CALN1: variants seen among roughly 807,000 people sequenced by gnomAD.
CALN1 encodes calcium-binding protein 8.
Under a neutral mutation model 30.6 loss-of-function variants are expected in CALN1, and 17 were observed. The ratio of observed to expected loss-of-function variants is 0.56; its 90% CI spans 0.38 to 0.83. The LOEUF (loss-of-function observed/expected upper bound fraction) is 0.83. Among genes scored for constraint, CALN1 ranks in the 40% least tolerant of loss-of-function variants. The pLI is 0.00. For synonymous variants in CALN1, 156 were observed against 131.4 expected (o/e 1.19, Z -1.28); for missense variants, 291 against 354.9 (o/e 0.82, Z 1.45).
intron 6 of CALN1, among the ~76,000 whole-genome samples, chr7:71,809,475 A>AAAAAAAG (rs1482274268): frequency 2.2e-4 from 33 of 151,092 alleles, no homozygotes; most frequent in African/African-American, 7.8e-4. Flanking sequence ...AAAAAAAAAA[A>AAAAAAAG]AAAGAAAAGA....
intron 5 of CALN1, among the ~76,000 whole-genome samples, chr7:71,910,887 CCAAA>C (rs1234570496): frequency 6.6e-6 from 1 of 152,078 alleles, no homozygotes; most frequent in Non-Finnish European, 1.5e-5. Flanking sequence ...GTTATTTGTG[CCAAA>C]CAGTTTCCCA....
chr7:72,039,325 G>A (rs767976120), intron 4 of CALN1, among the ~76,000 whole-genome samples: 1 of 152,148 alleles, frequency 6.6e-6, no homozygotes, highest in African/African-American at 2.4e-5. Flanking sequence ...GGATGAGCTA[G>A]ACTCCACAGG....
At chr7:72,387,719 G>C (rs1355367198) in intron 2 of CALN1, among the ~76,000 whole-genome samples, 1 of 152,152 alleles carries the variant, frequency 6.6e-6, no homozygotes, top group Non-Finnish European at 1.5e-5. Context: ...AATAAGAAAA[G>C]TCTGAGAAAC....
chr7:72,293,632 T>C (rs1305451578), intron 2 of CALN1, among the ~76,000 whole-genome samples: 2 of 152,172 alleles, frequency 1.3e-5, no homozygotes, highest in East Asian at 3.8e-4. Context: ...AGCAGGCAGA[T>C]GACCAGCAAA....
chr7:72,298,477 A>G (rs1230537818), intron 2 of CALN1, among the ~76,000 whole-genome samples: 1 of 152,206 alleles, frequency 6.6e-6, no homozygotes, highest in African/African-American at 2.4e-5. Context: ...TAACTAATGA[A>G]GGGCTCCTTT....
the CALN1 span, among the ~76,000 whole-genome samples, chr7:72,475,580 A>T: frequency 6.6e-6 from 1 of 152,180 alleles, no homozygotes; most frequent in East Asian, 1.9e-4. Flanking sequence ...TTGTTCCTCT[A>T]CCCTAGAGAG....
intron 4 of CALN1, among the ~76,000 whole-genome samples, chr7:72,057,033 T>C (rs566735356): frequency 6.6e-6 from 1 of 152,178 alleles, no homozygotes; most frequent in Non-Finnish European, 1.5e-5. Context: ...CTCCAATTTC[T>C]GGCCTCAAGT....
intron 5 of CALN1, among the ~76,000 whole-genome samples, chr7:71,909,112 G>A (rs930171965): frequency 1.3e-5 from 2 of 152,110 alleles, no homozygotes; most frequent in African/African-American, 4.8e-5. Context: ...AACCTCCTAG[G>A]CTCAAGCGAT....
rs188768781 is a variant in CALN1 at position 72,411,534 on chromosome 7, T to C, written c.-74+524A>G. Reference sequence around the variant, plus strand: ...TAAAAAAATATGGACGTATCAGTTGTGTCACTGAAAAGACGTCAAGGTAAT... The same window carrying C: ...TAAAAAAATATGGACGTATCAGTTGCGTCACTGAAAAGACGTCAAGGTAAT... On this transcript the variant is annotated intron_variant, in intron 1 of 6. Coordinates refer to ENST00000395275, the MANE Select transcript of CALN1 (RefSeq NM_031468.4). 1.2e-4 allele frequency among the ~76,000 whole-genome samples: 19 copies of C among 152,366 alleles called. No homozygotes were observed. The East Asian group carries it at 3.3e-3, about 26-fold the overall frequency.
chr7:72,181,554 T>C (rs867065383), intron 3 of CALN1, among the ~76,000 whole-genome samples: 7 of 151,496 alleles, frequency 4.6e-5, no homozygotes, highest in African/African-American at 7.3e-5. Context: ...TCTCGGCTCA[T>C]TGCAACCTTC....
intron 6 of CALN1, among the ~76,000 whole-genome samples, chr7:71,790,424 G>GAAGC (rs1554337178): frequency 5.4e-5 from 8 of 147,944 alleles, no homozygotes; most frequent in Non-Finnish European, 9.0e-5. Flanking sequence ...AAGAAAGAAA[G>GAAGC]AAGCAAGCAA....
intron 5 of CALN1, among the ~76,000 whole-genome samples, chr7:71,994,869 T>TC (rs1459188376): frequency 1.8e-4 from 26 of 145,050 alleles, no homozygotes; most frequent in African/African-American, 6.1e-4. Context: ...TTTTTTTTTT[T>TC]CGAGACGGAG....
intron 5 of CALN1, among the ~76,000 whole-genome samples, chr7:71,842,798 C>T (rs371810885): frequency 3.9e-5 from 6 of 152,268 alleles, no homozygotes; most frequent in South Asian, 4.2e-4. Flanking sequence ...CTTACAGGTC[C>T]GTTCCTGTAC....
At chr7:71,982,590 G>T (rs1025011806) in intron 5 of CALN1, among the ~76,000 whole-genome samples, 1 of 152,112 alleles carries the variant, frequency 6.6e-6, no homozygotes, top group Admixed American at 6.6e-5. Context: ...GTGAAACTCT[G>T]TCGCAAAACA....
intron 5 of CALN1, among the ~76,000 whole-genome samples, chr7:71,953,570 A>G (rs1008522496): frequency 1.3e-5 from 2 of 152,144 alleles, no homozygotes; most frequent in Admixed American, 6.6e-5. Context: ...TCCGCATTCT[A>G]AGGTGCTTTC....
intron 2 of CALN1, among the ~76,000 whole-genome samples, chr7:72,288,160 G>C (rs75351140): frequency 0.034 from 5,102 of 152,214 alleles, 127 homozygotes; most frequent in African/African-American, 0.069. Flanking sequence ...CAGAAGGCCT[G>C]ACCGGGGCTG....
At chr7:72,025,317 T>A (rs28679767) in intron 4 of CALN1, among the ~76,000 whole-genome samples, 21,367 of 150,946 alleles carry the variant, frequency 0.14, 2,330 homozygotes, top group East Asian at 0.34. Context: ...TCTAAAAAAA[T>A]AATAATAATA....
intron 3 of CALN1, among the ~76,000 whole-genome samples, chr7:72,114,309 G>GAAGGCAAGGC (rs1554444019): frequency 1.0e-5 from 1 of 97,918 alleles, no homozygotes; most frequent in African/African-American, 3.8e-5. Context: ...GAAGGGAAGG[G>GAAGGCAAGGC]AAGGCAACAC....
intron 5 of CALN1, among the ~76,000 whole-genome samples, chr7:71,830,523 C>T (rs1450395758): frequency 1.4e-4 from 21 of 150,596 alleles, no homozygotes; most frequent in Admixed American, 5.3e-4. Context: ...AATTTTTGTA[C>T]TTTTAGTAGA....
Sources: gnomAD v4.1 joint callset for allele counts (sites outside exome capture counted in the v4.1 genomes callset) on GRCh38, gnomAD v4.1.1 for gene constraint, MANE v1.5 for transcripts, NCBI Gene and HGNC (gene_info 2026-07-23, HGNC 2026-07-21) for gene names.